Variants in CACNA2D2 observed in about 807,000 individuals in gnomAD.
CACNA2D2 encodes calcium voltage-gated channel auxiliary subunit alpha2delta 2.
A neutral mutation model predicts 166.4 loss-of-function variants in CACNA2D2; 48 were observed. The ratio of observed to expected loss-of-function variants is 0.29; its 90% CI spans 0.23 to 0.37. CACNA2D2 has a LOEUF of 0.37. Ranked by LOEUF, CACNA2D2 falls within the 10% of genes least tolerant of loss-of-function variation. The pLI, the probability that CACNA2D2 is intolerant of heterozygous loss-of-function variation, is 1.00. For missense variants in CACNA2D2, 1,122 were observed against 1,433.0 expected, an observed-to-expected ratio of 0.78 and a Z score of 3.50; for synonymous variants, 561 against 573.7, an observed-to-expected ratio of 0.98 and a Z score of 0.32.
intron 3 of CACNA2D2, among the ~76,000 whole-genome samples, chr3:50,421,199 G>T (rs1265362544): frequency 6.6e-6 from 1 of 152,206 alleles, no homozygotes; most frequent in Non-Finnish European, 1.5e-5. Flanking sequence ...CCCTTTCCTG[G>T]GAAAAGAAAA....
intron 1 of CACNA2D2, among the ~76,000 whole-genome samples, chr3:50,478,032 G>A (rs1697869800): frequency 6.6e-6 from 1 of 151,972 alleles, no homozygotes. Flanking sequence ...TTGCCAAGCT[G>A]AATGTCAGGA....
intron 2 of CACNA2D2, among the ~76,000 whole-genome samples, chr3:50,454,680 T>C (rs1009158162): frequency 3.9e-5 from 6 of 152,202 alleles, no homozygotes; most frequent in African/African-American, 1.4e-4. Flanking sequence ...AAACTCTCTC[T>C]TATACTCGGT....
chr3:50,483,139 C>T (rs903411848), intron 1 of CACNA2D2, among the ~76,000 whole-genome samples: 3 of 152,180 alleles, frequency 2.0e-5, no homozygotes, highest in African/African-American at 7.2e-5. Flanking sequence ...CACAAGCTGG[C>T]ACAACCAAGG....
In CACNA2D2 at chr3:50,369,854, C is replaced by A. The variant is rs141421666; in HGVS notation, c.2045+466G>T. 7.0e-3 allele frequency among the ~76,000 whole-genome samples: 1,071 copies of A among 152,382 alleles called. 11 individuals carry two copies. Among genetic ancestry groups the A allele is most frequent in the African/African-American group, 0.023 (971 of 41,586 alleles). On this transcript the variant is annotated intron_variant, in intron 23 of 37. Transcript: ENST00000424201. Reference sequence around the variant, plus strand: ...CCCCAAGTGAAGTACCACGCCTAGACCCGGCACTGCCGACAGGGGCTCTGG... The same window carrying A: ...CCCCAAGTGAAGTACCACGCCTAGAACCGGCACTGCCGACAGGGGCTCTGG...
Position 50,362,965 on chromosome 3 carries a change from G to A in CACNA2D2, c.*1701C>T, listed in dbSNP as rs747818095. ...TACAAAATAGAACAACAAAAAAAGG[G>A]CAGAGAAAAGGAAATGGCCCCCCAG... On this transcript the variant is annotated 3_prime_UTR_variant, in exon 38 of 38. Transcript: ENST00000424201. 5 of 397,572 alleles carry A rather than the reference G, an allele frequency of 1.3e-5. No individual in the cohort carries two copies. The highest frequency in any genetic ancestry group is 2.2e-5 in the Non-Finnish European group (5 of 225,836). 24.6% of individuals were successfully genotyped at this position (397,572 alleles called of 1,614,324 possible).
At chr3:50,462,640 G>A (rs930467099) in intron 2 of CACNA2D2, among the ~76,000 whole-genome samples, 4 of 151,858 alleles carry the variant, frequency 2.6e-5, no homozygotes, top group African/African-American at 9.6e-5. Context: ...CTCCTCTCCC[G>A]CAGCAGGATG....
rs1322630944 is a variant in CACNA2D2, at chr3:50,376,281, C to G, written c.1627-93G>C. 1.5e-6 allele frequency: 2 copies of G among 1,309,684 alleles called. No homozygotes were observed. The highest frequency in any genetic ancestry group is 2.1e-6 in the Non-Finnish European group (2 of 934,146). 81.1% of individuals were successfully genotyped at this position (1,309,684 alleles called of 1,614,324 possible). ...TTCCCTATTTGGCCTCCCACCGCAC[C>G]GAGAGATTCTGTTTGCCTGCCTTGG... On this transcript the variant is annotated intron_variant, in intron 17 of 37. Transcript: ENST00000424201. The surrounding 1 kb of genome is among the most constrained non-coding windows in gnomAD (Gnocchi z 4.3).
At chr3:50,372,224 C>A (rs1368915840) in intron 22 of CACNA2D2, among the ~76,000 whole-genome samples, 2 of 152,214 alleles carry the variant, frequency 1.3e-5, no homozygotes, top group Non-Finnish European at 2.9e-5. Context: ...CAGAACCCTT[C>A]CTTTCATACC....
intron 1 of CACNA2D2, among the ~76,000 whole-genome samples, chr3:50,494,399 G>A (rs749168978): frequency 6.6e-5 from 10 of 152,244 alleles, no homozygotes; most frequent in Non-Finnish European, 1.3e-4. Flanking sequence ...AGACTGAAAT[G>A]CCACGTCAGG....
In CACNA2D2 at chr3:50,366,411, G is replaced by T; in HGVS notation, c.2638-73C>A. The T allele has an allele frequency of 6.5e-7, 1 of 1,538,530 alleles. No homozygotes were observed. Among genetic ancestry groups the T allele is most frequent in the Non-Finnish European group, 9.0e-7 (1 of 1,111,830 alleles). ...GACCTTCCACCGCAGGCAGTCCAGTGGTTCAGAGTTGGGGGGCATCACTCC... is the reference window on the plus strand; with the variant it reads ...GACCTTCCACCGCAGGCAGTCCAGTTGTTCAGAGTTGGGGGGCATCACTCC... On this transcript the variant is annotated intron_variant, in intron 30 of 37. Transcript: ENST00000424201. This position sits in a 1 kb window ranked among gnomAD's most constrained non-coding sequence, Gnocchi z 5.9.
intron 2 of CACNA2D2, among the ~76,000 whole-genome samples, chr3:50,454,492 G>A (rs1709261174): frequency 6.6e-6 from 1 of 152,174 alleles, no homozygotes; most frequent in African/African-American, 2.4e-5. Flanking sequence ...GGAGAGCGGA[G>A]CCTCCAATCA....
intron 2 of CACNA2D2, among the ~76,000 whole-genome samples, chr3:50,449,974 G>A (rs528528559): frequency 2.6e-5 from 4 of 152,304 alleles, no homozygotes; most frequent in East Asian, 1.9e-4. Flanking sequence ...AGTGGGAGGT[G>A]AGGCTCCATG....
Position 50,367,316 on chromosome 3 carries a change from C to A in CACNA2D2, c.2401+78G>T. On this transcript the variant is annotated intron_variant, in intron 27 of 37. Coordinates refer to ENST00000424201, the MANE Select transcript of CACNA2D2 (RefSeq NM_006030.4). This position sits in a 1 kb window ranked among gnomAD's most constrained non-coding sequence, Gnocchi z 6.5. ...TGTGTTGGAGAGGGGCCTCAGACAG[C>A]AGAGCCCAGTTCTGGCTGAGCAGAC... 7.4e-7 allele frequency: 1 copy of A among 1,356,084 alleles called. No homozygotes were observed. The highest frequency in any genetic ancestry group is 1.2e-5 in the South Asian group (1 of 83,790). The allele number at this position is 1,356,084 out of a possible 1,614,324, so 84.0% of individuals were successfully genotyped here.
chr3:50,373,462 G>C (rs931889965), intron 22 of CACNA2D2, among the ~76,000 whole-genome samples: 2 of 138,392 alleles, frequency 1.4e-5, no homozygotes, highest in African/African-American at 5.6e-5. Flanking sequence ...GTGAGCCACA[G>C]GCAGAGGAGT....
rs1559874684 is a variant in CACNA2D2 at position 50,366,917 on chromosome 3, C to T, written c.2503G>A (p.Val835Met). ...LGRRTLRPAV[V>M]GVKLDLEAWA... ...GCCTCTAGGTCCAGCTTGACGCCCA[C>T]CACTTTGGGGGAGAGCAAGGGACCA... The change falls in exon 29 of 38, where the codon GTG becomes ATG. Residue 835 changes from valine (V) to methionine (M), a missense_variant and splice_region_variant. By Grantham distance (21) the Val-to-Met change is conservative (BLOSUM62 1). Around this residue, in one of 2 missense-constraint regions of CACNA2D2, gnomAD observed 840 missense variants for 1,166.8 expected, o/e 0.72. Coordinates refer to ENST00000424201, the MANE Select transcript of CACNA2D2 (RefSeq NM_006030.4). The surrounding 1 kb of genome is among the most constrained non-coding windows in gnomAD (Gnocchi z 5.9). 1.2e-6 allele frequency: 2 copies of T among 1,613,746 alleles called. No homozygotes were observed. Among genetic ancestry groups the T allele is most frequent in the African/African-American group, 1.3e-5 (1 of 75,062 alleles).
rs1704933959 is a variant in CACNA2D2, at chr3:50,375,669, C to T, written c.1882G>A (p.Val628Met). ...IDEVTRNYTW[V>M]PIRSTNYSLG... ...CTGTAGTTAGTGCTCCTTATAGGCA[C>T]CCAGGTGTAGTTCCGTGTCACCTCA... Residue 628 changes from valine (V) to methionine (M), a missense_variant, in exon 21 of 38, where the codon GTG becomes ATG. Around this residue, in one of 2 missense-constraint regions of CACNA2D2, gnomAD observed 840 missense variants for 1,166.8 expected, o/e 0.72. Transcript: ENST00000424201. The surrounding 1 kb of genome is among the most constrained non-coding windows in gnomAD (Gnocchi z 4.0). The T allele has an allele frequency of 6.2e-7, 1 of 1,613,276 alleles. No homozygotes were observed. The highest frequency in any genetic ancestry group is 8.5e-7 in the Non-Finnish European group (1 of 1,179,914).
intron 22 of CACNA2D2, 99 bp from the exon 23 acceptor site, chr3:50,370,479 T>TTG: frequency 2.6e-5 from 1 of 38,616 alleles, no homozygotes; most frequent in Non-Finnish European, 5.3e-5. Context: ...AGAGGGGGGC[T>TTG]GGAGGGAGGG....
At chr3:50,445,818 T>C (rs766980786) in intron 2 of CACNA2D2, among the ~76,000 whole-genome samples, 1 of 152,206 alleles carries the variant, frequency 6.6e-6, no homozygotes, top group Non-Finnish European at 1.5e-5. Flanking sequence ...CACCCAAAGC[T>C]TTCCTAGAGC....
In CACNA2D2 at chr3:50,366,049, G is replaced by C. The variant is rs1164823111; in HGVS notation, c.2824C>G (p.Pro942Ala). 6.2e-7 allele frequency: 1 copy of C among 1,613,368 alleles called. No homozygotes were observed. The highest frequency in any genetic ancestry group is 1.3e-5 in the African/African-American group (1 of 74,892). ...CGGGGTGCAGCACCCAGGTTGCCAG[G>C]GGGCTGAGGGGCACAGGCTGCCTGA... ...DYQAACAPQP[P>A]GNLGAAPRGV... Residue 942 changes from proline to alanine, a missense_variant, in exon 32 of 38, where the codon CCT (proline) becomes GCT (alanine). Physicochemically the swap from Pro to Ala is conservative, Grantham distance 27. Around this residue, in one of 2 missense-constraint regions of CACNA2D2, gnomAD observed 282 missense variants for 266.2 expected, o/e 1.06. Transcript: ENST00000424201. The surrounding 1 kb of genome is among the most constrained non-coding windows in gnomAD (Gnocchi z 5.9).
Sources: allele counts gnomAD v4.1 joint callset (sites outside exome capture counted in the v4.1 genomes callset), GRCh38; gene constraint gnomAD v4.1.1; regional missense constraint gnomAD v4.1.1; non-coding constraint Gnocchi (gnomAD v3.1); transcripts MANE v1.5; gene names NCBI Gene and HGNC (gene_info 2026-07-23, HGNC 2026-07-21).